The following CRYBG1 variants were observed in gnomAD, a reference collection of about 807,000 sequenced individuals.
The protein encoded by CRYBG1 is crystallin beta-gamma domain containing 1, also known as beta/gamma crystallin domain-containing protein 1.
A neutral mutation model predicts 189.2 loss-of-function variants in CRYBG1; 139 were observed. That is an observed-to-expected ratio of 0.73 (90% CI 0.64 to 0.85). The LOEUF (loss-of-function observed/expected upper bound fraction) is 0.85, where lower values mean the gene tolerates loss of function less well. CRYBG1 is among the 40% of genes least tolerant of loss of function. CRYBG1 has a pLI of 0.00. For synonymous variants in CRYBG1, 1,023 were observed against 1,017.1 expected, an observed-to-expected ratio of 1.01 and a Z score of -0.11; for missense variants, 2,611 against 2,675.8, an observed-to-expected ratio of 0.98 and a Z score of 0.53.
At chr6:106,396,278 T>G (rs1404080865) in intron 1 of CRYBG1, among the ~76,000 whole-genome samples, 1 of 152,222 alleles carries the variant, frequency 6.6e-6, no homozygotes, top group African/African-American at 2.4e-5. Flanking sequence ...CAACCACTGA[T>G]TAGTCTCCCA....
In CRYBG1 at chr6:106,363,910, A is replaced by G. The variant is rs139660367; in HGVS notation, c.173+2829A>G. Among the ~76,000 whole-genome samples the G allele has an allele frequency of 2.8e-3, 425 of 152,036 alleles. 1 individual carries two copies. Among genetic ancestry groups the G allele is most frequent in the South Asian group, 5.4e-3 (26 of 4,814 alleles). ...ACAAAGTAGAAACTCAGTAAATGCA[A>G]AAGCATCCTGGTCATCATCATCATC... On this transcript the variant is annotated intron_variant, in intron 1 of 21. Coordinates refer to ENST00000633556, the MANE Select transcript of CRYBG1 (RefSeq NM_001371242.2).
intron 18 of CRYBG1, 148 bp downstream of exon 18, chr6:106,558,773 G>A (rs1774624208): frequency 1.5e-5 from 10 of 651,168 alleles, no homozygotes; most frequent in Non-Finnish European, 2.1e-5. Context: ...GAAAAGCCTG[G>A]GCAACAAAGT....
chr6:106,426,454 G>C (rs560496134), intron 1 of CRYBG1, among the ~76,000 whole-genome samples: 2 of 152,184 alleles, frequency 1.3e-5, no homozygotes, highest in African/African-American at 4.8e-5. Flanking sequence ...TGCTATTTTC[G>C]TTTCCTCTTA....
chr6:106,415,259 T>A (rs10872005), intron 1 of CRYBG1, among the ~76,000 whole-genome samples: 12,971 of 152,342 alleles, frequency 0.085, 668 homozygotes, highest in East Asian at 0.15. Context: ...GCCATTATTT[T>A]GCTTTTGCAT....
intron 1 of CRYBG1, among the ~76,000 whole-genome samples, chr6:106,361,973 T>TTTCTTTCTTTCTTTCTTTCTTTCTTTC (rs1174995603): frequency 1.5e-4 from 3 of 19,970 alleles, no homozygotes; most frequent in African/African-American, 2.8e-4. Flanking sequence ...TTCTTTCTTT[T>TTTCTTTCTTTCTTTCTTTCTTTCTTTC]TTTTTTTTTT....
At position 106,521,020 on chromosome 6, in the gene CRYBG1, G is replaced by C; in HGVS notation, c.3812G>C (p.Ser1271Thr). Residue 1271 changes from serine (S) to threonine (T), a missense_variant, in exon 4 of 22, where the codon AGT (serine) becomes ACT (threonine). This residue lies in a region of CRYBG1 where 1,622 missense variants were observed against 1,735.0 expected (regional missense o/e 0.93). Transcript: ENST00000633556. ...TSVNTMTTAF[S>T]TSQNGSLSQS... ...GTCAACACTATGACCACGGCTTTCA[G>C]TACTTCTCAGAACGGTTCCCTATCT... 2 of 1,614,148 alleles carry C rather than the reference G, an allele frequency of 1.2e-6. No individual in the cohort carries two copies. Among genetic ancestry groups the C allele is most frequent in the Non-Finnish European group, 8.5e-7 (1 of 1,180,032 alleles).
chr6:106,448,190 A>G (rs929413567), intron 1 of CRYBG1, among the ~76,000 whole-genome samples: 16 of 152,202 alleles, frequency 1.1e-4, no homozygotes, highest in Non-Finnish European at 2.2e-4. Context: ...TCCTGGAGCA[A>G]ACTGTGAAAT....
At chr6:106,382,905 T>C (rs751430568) in intron 1 of CRYBG1, among the ~76,000 whole-genome samples, 1 of 152,200 alleles carries the variant, frequency 6.6e-6, no homozygotes, top group Non-Finnish European at 1.5e-5. Flanking sequence ...CAAAAGACAA[T>C]TGTAATTAGA....
intron 21 of CRYBG1, among the ~76,000 whole-genome samples, chr6:106,565,409 A>G (rs1774854032): frequency 6.6e-6 from 1 of 152,118 alleles, no homozygotes. Context: ...GAATCTGGAC[A>G]TTTTCATCAG....
chr6:106,478,782 C>A (rs559230994), intron 2 of CRYBG1, among the ~76,000 whole-genome samples: 1 of 152,324 alleles, frequency 6.6e-6, no homozygotes, highest in African/African-American at 2.4e-5. Context: ...GGAGCTCCAC[C>A]TCCTGTCAGA....
intron 1 of CRYBG1, among the ~76,000 whole-genome samples, chr6:106,431,956 T>C (rs1243957333): frequency 6.6e-6 from 1 of 152,188 alleles, no homozygotes; most frequent in African/African-American, 2.4e-5. Context: ...AGGGGTTTCT[T>C]TACATTGTTT....
Position 106,511,814 on chromosome 6 carries a change from C to A in CRYBG1, c.697C>A (p.Pro233Thr). ...GCAGCAGTGCCATGAAAATGATTCACCCCAATTAGAACCTCTGGAGGCAGA... is the reference window on the plus strand; with the variant it reads ...GCAGCAGTGCCATGAAAATGATTCAACCCAATTAGAACCTCTGGAGGCAGA... ...AVQQCHENDS[P>T]QLEPLEAEGE... The change falls in exon 3 of 22, where the codon CCC (proline) becomes ACC (threonine). Residue 233 changes from proline (P) to threonine (T), a missense_variant. Physicochemically the swap from Pro to Thr is conservative, Grantham distance 38 (BLOSUM62 -1). Transcript: ENST00000633556. The A allele has an allele frequency of 1.3e-6, 2 of 1,524,186 alleles. No individual in the cohort carries two copies. The highest frequency in any genetic ancestry group is 1.8e-6 in the Non-Finnish European group (2 of 1,139,476). The allele number at this position is 1,524,186 out of a possible 1,614,324, so 94.4% of individuals were successfully genotyped here.
Position 106,512,506 on chromosome 6 carries a change from G to A in CRYBG1, c.1389G>A (p.Ala463=). ...ACGCGGCCAGCGATAACGCCTCGGC[G>A]GAAAAGAAAGTGAAATCTCCGCGGG... The part of the protein sequence containing the change: ...APNAASDNAS[A]EKKVKSPRAA... The change falls in exon 3 of 22, where the codon GCG becomes GCA. Residue 463 remains alanine (A), a synonymous_variant. Transcript: ENST00000633556. The A allele has an allele frequency of 5.0e-6, 8 of 1,610,962 alleles. No individual in the cohort carries two copies. Among genetic ancestry groups the A allele is most frequent in the Non-Finnish European group, 6.8e-6 (8 of 1,179,074 alleles).
At chr6:106,447,025 T>C (rs907258844) in intron 1 of CRYBG1, among the ~76,000 whole-genome samples, 2 of 152,206 alleles carry the variant, frequency 1.3e-5, no homozygotes, top group African/African-American at 4.8e-5. Context: ...TACTTAACAC[T>C]GAAACTTTCA....
intron 1 of CRYBG1, among the ~76,000 whole-genome samples, chr6:106,397,693 C>T (rs1348896334): frequency 1.3e-5 from 2 of 152,150 alleles, no homozygotes. Flanking sequence ...TCTGTGAAAC[C>T]AGCGGGGCAT....
chr6:106,558,563 T>G lies in CRYBG1; in HGVS notation c.5793T>G (p.Thr1931=), dbSNP rs200147153. 163 of 1,613,414 alleles carry G rather than the reference T, an allele frequency of 1.0e-4. No homozygotes were observed. In the Admixed American group the frequency reaches 2.6e-3, roughly 26 times the overall value. The stretch of plus-strand genomic sequence containing the variant: ...AAAAGATTGAACTTAATGCAGAAAC[T>G]GTCAATCTCCGATCCCTGGGATTCA... ...KGKKIELNAE[T]VNLRSLGFNT... Residue 1931 remains threonine, a synonymous_variant, in exon 18 of 22, where the codon ACT becomes ACG. Transcript: ENST00000633556.
intron 1 of CRYBG1, among the ~76,000 whole-genome samples, chr6:106,380,419 G>T (rs141297373): frequency 2.6e-5 from 4 of 152,294 alleles, no homozygotes; most frequent in Non-Finnish European, 5.9e-5. Context: ...AGGCATCACA[G>T]CTTGGTGGTG....
At chr6:106,557,025 T>G (rs1323208506) in intron 17 of CRYBG1, among the ~76,000 whole-genome samples, 4 of 152,198 alleles carry the variant, frequency 2.6e-5, no homozygotes, top group African/African-American at 9.7e-5. Flanking sequence ...TGACATCTTT[T>G]TATGTTTTAA....
intron 2 of CRYBG1, among the ~76,000 whole-genome samples, chr6:106,457,807 G>T (rs1036758727): frequency 6.6e-6 from 1 of 152,140 alleles, no homozygotes; most frequent in Non-Finnish European, 1.5e-5. Flanking sequence ...CTGCTTTGTA[G>T]GAGTCCCTAT....
Sources: allele counts gnomAD v4.1 joint callset (sites outside exome capture counted in the v4.1 genomes callset), GRCh38; gene constraint gnomAD v4.1.1; regional missense constraint gnomAD v4.1.1; transcripts MANE v1.5; gene names NCBI Gene and HGNC (gene_info 2026-07-23, HGNC 2026-07-21).